Variants in KMT2A observed in about 807,000 individuals in gnomAD.
The protein encoded by KMT2A is lysine methyltransferase 2A, also known as histone-lysine N-methyltransferase 2A.
KMT2A carries 16 observed loss-of-function variants against 345.3 expected under a neutral mutation model. The ratio of observed to expected loss-of-function variants is 0.05; its 90% CI spans 0.03 to 0.07. The LOEUF (loss-of-function observed/expected upper bound fraction) is 0.07. Among genes scored for constraint, KMT2A ranks in the 10% least tolerant of loss-of-function variants. The pLI is 1.00. For synonymous variants in KMT2A, 1,599 were observed against 1,778.6 expected (o/e 0.90, Z 2.54); for missense variants, 3,272 against 4,841.6 (o/e 0.68, Z 9.62).
In KMT2A at chr11:118,504,336, C is replaced by T. The variant is rs545159100; in HGVS notation, c.8444C>T (p.Thr2815Ile). Residue 2815 changes from threonine to isoleucine, a missense_variant, in exon 27 of 36, where the codon ACA becomes ATA. By Grantham distance (89) the Thr-to-Ile change is moderately conservative (BLOSUM62 -1). Coordinates refer to ENST00000534358, the MANE Select transcript of KMT2A (RefSeq NM_001197104.2). This position sits in a 1 kb window ranked among gnomAD's most constrained non-coding sequence, Gnocchi z 6.4. Reference protein sequence around the residue: ...SSLESSRRVHTSTPSDKNLLD... With the variant: ...SSLESSRRVHISTPSDKNLLD... ...TTGGAGTCAAGCCGCAGAGTCCACA[C>T]AAGTACCCCCTCCGACAAAAATTTA... The T allele has an allele frequency of 6.2e-7, 1 of 1,614,176 alleles. No individual in the cohort carries two copies. Among genetic ancestry groups the T allele is most frequent in the Non-Finnish European group, 8.5e-7 (1 of 1,180,028 alleles).
At chr11:118,470,420 A>G (rs1406662915) in intron 2 of KMT2A, among the ~76,000 whole-genome samples, 2 of 152,048 alleles carry the variant, frequency 1.3e-5, no homozygotes, top group African/African-American at 4.8e-5. Context: ...GTTTTTTTTC[A>G]TGACTACCAG....
At position 118,476,551 on chromosome 11, in the gene KMT2A, G is replaced by A. The variant is rs1179793276; in HGVS notation, c.3157-254G>A. Among the ~76,000 whole-genome samples, 4 of 152,044 alleles carry A rather than the reference G, an allele frequency of 2.6e-5. No homozygotes were observed. Among genetic ancestry groups the A allele is most frequent in the African/African-American group, 9.7e-5 (4 of 41,388 alleles). ...TCGCTATGTTGCCCATACTGGTCTT[G>A]AACTCCTGGCCTCAAATGATCTTCC... On this transcript the variant is annotated intron_variant, in intron 3 of 35. Transcript: ENST00000534358. The surrounding 1 kb of genome is among the most constrained non-coding windows in gnomAD (Gnocchi z 4.1).
rs545159100 is a variant in KMT2A, at chr11:118,504,336, C to G, written c.8444C>G (p.Thr2815Arg). ...SSLESSRRVH[T>R]STPSDKNLLD... ...TTGGAGTCAAGCCGCAGAGTCCACA[C>G]AAGTACCCCCTCCGACAAAAATTTA... The change falls in exon 27 of 36, where the codon ACA (threonine) becomes AGA (arginine). Residue 2815 changes from threonine to arginine, a missense_variant. Around this residue, in one of 27 missense-constraint regions of KMT2A, gnomAD observed 100 missense variants for 101.3 expected, o/e 0.99. Coordinates refer to ENST00000534358, the MANE Select transcript of KMT2A (RefSeq NM_001197104.2). This position sits in a 1 kb window ranked among gnomAD's most constrained non-coding sequence, Gnocchi z 6.4. 1 of 1,614,176 alleles carries G rather than the reference C, an allele frequency of 6.2e-7. No homozygotes were observed. Among genetic ancestry groups the G allele is most frequent in the Non-Finnish European group, 8.5e-7 (1 of 1,180,028 alleles).
In KMT2A at chr11:118,521,941, G is replaced by A. The variant is rs782243132; in HGVS notation, c.11688G>A (p.Val3896=). The change falls in exon 36 of 36, where the codon GTG becomes GTA. Residue 3896 remains valine (V), a synonymous_variant. Coordinates refer to ENST00000534358, the MANE Select transcript of KMT2A (RefSeq NM_001197104.2). This position sits in a 1 kb window ranked among gnomAD's most constrained non-coding sequence, Gnocchi z 5.3. ...YMFRIDDSEV[V]DATMHGNAAR... ...TCCGAATTGATGACTCAGAGGTAGT[G>A]GATGCCACCATGCATGGAAATGCTG... is the stretch of plus-strand genomic sequence containing the variant. The A allele has an allele frequency of 6.2e-7, 1 of 1,614,198 alleles. No individual in the cohort carries two copies. The highest frequency in any genetic ancestry group is 2.2e-5 in the East Asian group (1 of 44,894).
Position 118,510,196 on chromosome 11 carries a change from C to A in KMT2A, c.11071+78C>A. 1 of 1,178,420 alleles carries A rather than the reference C, an allele frequency of 8.5e-7. No homozygotes were observed. The highest frequency in any genetic ancestry group is 1.2e-6 in the Non-Finnish European group (1 of 842,104). 73.0% of individuals were successfully genotyped at this position (1,178,420 alleles called of 1,614,324 possible). ...AGCTTCATTTTCTGAGTATTAGCAC[C>A]ATTTAGGTGGCTGTTTTATGCTAGA... is the stretch of plus-strand genomic sequence containing the variant. On this transcript the variant is annotated intron_variant, in intron 30 of 35. Transcript: ENST00000534358. This position sits in a 1 kb window ranked among gnomAD's most constrained non-coding sequence, Gnocchi z 4.1.
rs940452947 is a variant in KMT2A, at chr11:118,450,999, T to C, written c.432+14055T>C. 5.9e-5 allele frequency among the ~76,000 whole-genome samples: 9 copies of C among 152,328 alleles called. No individual in the cohort carries two copies. In the South Asian group the frequency reaches 1.0e-3, roughly 18 times the overall value. ...TTTACAGGTGTCACTACATTTTTTT[T>C]CTACTACAAATAATGAAAAAGTACC... On this transcript the variant is annotated intron_variant, in intron 1 of 35. Coordinates refer to ENST00000534358, the MANE Select transcript of KMT2A (RefSeq NM_001197104.2).
intron 1 of KMT2A, among the ~76,000 whole-genome samples, chr11:118,454,093 C>T (rs1949594442): frequency 6.6e-6 from 1 of 152,222 alleles, no homozygotes. Context: ...AAACCTCAGA[C>T]TCTCCCATTA....
Position 118,472,830 on chromosome 11 carries a change from C to T in KMT2A, c.1671C>T (p.Thr557=), listed in dbSNP as rs782309790. ...STLQSAPQQQ[T]SSSPPPPLLT... is the part of the protein sequence containing the mutation. ...TACAAAGTGCCCCCCAGCAGCAGAC[C>T]TCCTCGTCTCCACCTCCACCTCTGC... Residue 557 remains threonine (T), a synonymous_variant, in exon 3 of 36, where the codon ACC becomes ACT. Transcript: ENST00000534358. 1.2e-6 allele frequency: 2 copies of T among 1,613,792 alleles called. No individual in the cohort carries two copies. The highest frequency in any genetic ancestry group is 1.7e-6 in the Non-Finnish European group (2 of 1,179,962).
At chr11:118,485,982 C>A (rs969248354) in intron 10 of KMT2A, among the ~76,000 whole-genome samples, 3 of 152,302 alleles carry the variant, frequency 2.0e-5, no homozygotes, top group Non-Finnish European at 4.4e-5. Context: ...ACTCGAGAGG[C>A]TGAGGCAGGA....
Position 118,491,714 on chromosome 11 carries a change from C to T in KMT2A, c.4820-30C>T. On this transcript the variant is annotated intron_variant, in intron 14 of 35. Coordinates refer to ENST00000534358, the MANE Select transcript of KMT2A (RefSeq NM_001197104.2). This position sits in a 1 kb window ranked among gnomAD's most constrained non-coding sequence, Gnocchi z 4.2. ...TTCCTCTCTCTCATTCTTCAGAGGA[C>T]CTCATCATGGTAGGTTTTTGTTTTC... 6.5e-7 allele frequency: 1 copy of T among 1,531,054 alleles called. No individual in the cohort carries two copies. Among genetic ancestry groups the T allele is most frequent in the South Asian group, 1.2e-5 (1 of 82,920 alleles). The allele number at this position is 1,531,054 out of a possible 1,614,324, so 94.8% of individuals were successfully genotyped here.
In KMT2A at chr11:118,490,338, G is replaced by T. The variant is rs1950305679; in HGVS notation, c.4696+89G>T. The T allele has an allele frequency of 7.5e-7, 1 of 1,334,450 alleles. No individual in the cohort carries two copies. Among genetic ancestry groups the T allele is most frequent in the Admixed American group, 2.7e-5 (1 of 37,044 alleles). The allele number at this position is 1,334,450 out of a possible 1,614,324, so 82.7% of individuals were successfully genotyped here. On this transcript the variant is annotated intron_variant, in intron 13 of 35. Transcript: ENST00000534358. The surrounding 1 kb of genome is among the most constrained non-coding windows in gnomAD (Gnocchi z 4.2). ...AGACTCTAGTGAAATGAAATAAAAAGTCTCACACATTATGTCAAGGATACC... is the reference window on the plus strand; with the variant it reads ...AGACTCTAGTGAAATGAAATAAAAATTCTCACACATTATGTCAAGGATACC...
rs1949194186 is a variant in KMT2A, at chr11:118,436,825, C to T, written c.313C>T (p.Leu105=). The change falls in exon 1 of 36, where the codon CTG becomes TTG. Residue 105 remains leucine, a synonymous_variant. Transcript: ENST00000534358. This position sits in a 1 kb window ranked among gnomAD's most constrained non-coding sequence, Gnocchi z 6.9. The part of the protein sequence containing the change: ...SSSSASSGPA[L]LRVGPGFDAA... ...GTCCTCAGCCTCTTCAGGGCCGGCC[C>T]TGCTCCGGGTGGGCCCGGGCTTCGA... 6.2e-7 allele frequency: 1 copy of T among 1,608,428 alleles called. No individual in the cohort carries two copies.
chr11:118,506,745 C>G, intron 27 of KMT2A, 99 bp downstream of exon 27: 2 of 1,266,392 alleles, frequency 1.6e-6, no homozygotes, highest in Non-Finnish European at 2.2e-6. Flanking sequence ...CTCTTCTGTT[C>G]AAGTTGCATT....
In KMT2A at chr11:118,509,939, C is replaced by G. The variant is rs782421888; in HGVS notation, c.10901-9C>G. ...TTACTGCAACCACTATCTATTTTCT[C>G]CCTATTAGAACCTAAAACAGTGGAA... is the stretch of plus-strand genomic sequence containing the variant. On this transcript the variant is annotated splice_polypyrimidine_tract_variant and intron_variant, in intron 29 of 35. Transcript: ENST00000534358. 6.3e-7 allele frequency: 1 copy of G among 1,586,624 alleles called. No homozygotes were observed. The highest frequency in any genetic ancestry group is 1.7e-4 in the Middle Eastern group (1 of 5,926).
chr11:118,507,009 A>G (rs1477643579), intron 27 of KMT2A, among the ~76,000 whole-genome samples: 1 of 152,178 alleles, frequency 6.6e-6, no homozygotes, highest in Non-Finnish European at 1.5e-5. Context: ...AAACTTTATC[A>G]TTGAAAGCCA....
intron 31 of KMT2A, among the ~76,000 whole-genome samples, chr11:118,518,033 CTG>C (rs1950861144): frequency 6.6e-6 from 1 of 152,244 alleles, no homozygotes; most frequent in East Asian, 1.9e-4. Flanking sequence ...ATAATGCAAA[CTG>C]TATGTCTGTT....
In KMT2A at chr11:118,436,922, G is replaced by C. The variant is rs1555138814; in HGVS notation, c.410G>C (p.Gly137Ala). ...TTCCGGGCCGTGTTTGGGGAGAGCG[G>C]CGGGGGAGGCGGCAGCGGAGAGGTA... Reference protein sequence around the residue: ...RRFRAVFGESGGGGGSGEDEQ... With the variant: ...RRFRAVFGESAGGGGSGEDEQ... Residue 137 changes from glycine (G) to alanine (A), a missense_variant, in exon 1 of 36, where the codon GGC becomes GCC. Physicochemically the swap from Gly to Ala is moderately conservative, Grantham distance 60. Transcript: ENST00000534358. The surrounding 1 kb of genome is among the most constrained non-coding windows in gnomAD (Gnocchi z 6.9). 1 of 1,549,194 alleles carries C rather than the reference G, an allele frequency of 6.5e-7. No individual in the cohort carries two copies. Among genetic ancestry groups the C allele is most frequent in the Admixed American group, 1.9e-5 (1 of 52,580 alleles).
intron 10 of KMT2A, among the ~76,000 whole-genome samples, chr11:118,487,148 A>C (rs185771329): frequency 6.6e-4 from 101 of 152,356 alleles, no homozygotes; most frequent in African/African-American, 2.4e-3. Context: ...TCAGTCTACA[A>C]GTGCCAGGGG....
At chr11:118,454,850 T>C (rs973876725) in intron 1 of KMT2A, among the ~76,000 whole-genome samples, 8 of 152,326 alleles carry the variant, frequency 5.3e-5, no homozygotes, top group African/African-American at 1.9e-4. Flanking sequence ...AATTTTTTTT[T>C]TTTTTAATTT....
Sources: allele counts gnomAD v4.1 joint callset (sites outside exome capture counted in the v4.1 genomes callset), GRCh38; gene constraint gnomAD v4.1.1; regional missense constraint gnomAD v4.1.1; non-coding constraint Gnocchi (gnomAD v3.1); transcripts MANE v1.5; gene names NCBI Gene and HGNC (gene_info 2026-07-23, HGNC 2026-07-21).